Variants in ARID1B observed in about 807,000 individuals in gnomAD.
ARID1B encodes the protein AT-rich interactive domain-containing protein 1B.
In ARID1B, 30 loss-of-function variants were observed where a neutral mutation model predicts 212.3. The ratio of observed to expected loss-of-function variants is 0.14; its 90% CI spans 0.11 to 0.19. The LOEUF is 0.19. Ranked by LOEUF, ARID1B falls within the 10% of genes least tolerant of loss-of-function variation. The probability of loss-of-function intolerance (pLI) is 1.00; values close to 1 mark genes in which losing one functional copy is unlikely to be tolerated. For missense variants in ARID1B, 2,891 were observed against 3,204.0 expected (o/e 0.90, Z 2.36); for synonymous variants, 1,402 against 1,301.7 (o/e 1.08, Z -1.66).
rs1195428885 is a variant in ARID1B at position 157,206,424 on chromosome 6, C to G, written c.5652C>G (p.Ser1884Arg). Residue 1884 changes from serine to arginine, a missense_variant, in exon 20 of 20, where the codon AGC becomes AGG. Coordinates refer to ENST00000636930, the MANE Select transcript of ARID1B (RefSeq NM_001374828.1). The surrounding 1 kb of genome is among the most constrained non-coding windows in gnomAD (Gnocchi z 6.8). ...DSEKTESDEK[S>R]SIALTAPDAA... Reference sequence around the variant, plus strand: ...AGAAGACAGAAAGCGATGAAAAGAGCAGCATCGCTCTGACTGCCCCGGACG... The same window carrying G: ...AGAAGACAGAAAGCGATGAAAAGAGGAGCATCGCTCTGACTGCCCCGGACG... The G allele has an allele frequency of 1.2e-6, 2 of 1,614,168 alleles. No homozygotes were observed. The highest frequency in any genetic ancestry group is 8.5e-7 in the Non-Finnish European group (1 of 1,180,042).
intron 4 of ARID1B, among the ~76,000 whole-genome samples, chr6:157,083,425 G>A (rs1784756655): frequency 6.6e-6 from 1 of 152,212 alleles, no homozygotes; most frequent in African/African-American, 2.4e-5. Flanking sequence ...AGCACCTGCT[G>A]ATGGGGGCCT....
chr6:156,794,661 A>G (rs1256753479), intron 1 of ARID1B, among the ~76,000 whole-genome samples: 5 of 140,844 alleles, frequency 3.6e-5, no homozygotes, highest in African/African-American at 1.4e-4. Flanking sequence ...ACTGATGGCA[A>G]CCTCTCTCTC....
At chr6:156,831,652 TTTCTTAGC>T (rs1323288120) in intron 2 of ARID1B, among the ~76,000 whole-genome samples, 3 of 152,236 alleles carry the variant, frequency 2.0e-5, no homozygotes, top group African/African-American at 7.2e-5. Flanking sequence ...TAATCTCAAT[TTTCTTAGC>T]TTCTTCCATT....
chr6:156,871,672 C>T (rs1365669239), intron 2 of ARID1B: 1 of 1,609,508 alleles, frequency 6.2e-7, no homozygotes, highest in Non-Finnish European at 8.5e-7. Context: ...TTCTTACATG[C>T]TCTTACTTGC....
intron 4 of ARID1B, among the ~76,000 whole-genome samples, chr6:157,039,666 C>CT (rs1781627207): frequency 1.0e-4 from 5 of 49,384 alleles, no homozygotes; most frequent in African/African-American, 7.2e-4. Flanking sequence ...TCCTTCCTTC[C>CT]TTCCTTCCTT....
At chr6:157,132,951 C>G in intron 6 of ARID1B, 77 bp from the exon 7 acceptor site, 1 of 1,451,478 alleles carries the variant, frequency 6.9e-7, no homozygotes, top group Non-Finnish European at 9.3e-7. Context: ...CCTGCCACAT[C>G]AGTCCATGTC....
intron 2 of ARID1B, among the ~76,000 whole-genome samples, chr6:156,893,049 T>TC: frequency 3.6e-5 from 5 of 137,646 alleles, no homozygotes; most frequent in African/African-American, 1.4e-4. Flanking sequence ...TTCTTCCTTT[T>TC]TTTTTTTTTT....
At chr6:156,779,550 G>C in intron 1 of ARID1B, 79 bp downstream of exon 1, 1 of 1,178,420 alleles carries the variant, frequency 8.5e-7, no homozygotes, top group Non-Finnish European at 1.1e-6. Flanking sequence ...TCTTTGCCGC[G>C]TACTTTTCCC....
At chr6:156,945,099 A>AT (rs199862964) in intron 4 of ARID1B, among the ~76,000 whole-genome samples, 23,963 of 104,464 alleles carry the variant, frequency 0.23, 2,634 homozygotes, top group Non-Finnish European at 0.27. Flanking sequence ...ATTTTTTTGT[A>AT]TATTTTTTTT....
chr6:156,934,123 C>T (rs1791966059), intron 3 of ARID1B, among the ~76,000 whole-genome samples: 1 of 152,204 alleles, frequency 6.6e-6, no homozygotes, highest in East Asian at 1.9e-4. Flanking sequence ...CATATTTGAA[C>T]TGACAAGGGA....
At chr6:157,037,003 C>A (rs889263548) in intron 4 of ARID1B, 46 of 366,196 alleles carry the variant, frequency 1.3e-4, no homozygotes, top group Non-Finnish European at 2.1e-4. Flanking sequence ...TAAAAATCTT[C>A]ACAAGTTTAA....
chr6:157,097,159 G>T (rs931539521), intron 5 of ARID1B, among the ~76,000 whole-genome samples: 1 of 152,160 alleles, frequency 6.6e-6, no homozygotes, highest in Non-Finnish European at 1.5e-5. Flanking sequence ...TCATTAGTTA[G>T]TATAATCACA....
chr6:156,909,933 G>A (rs1789731202), intron 3 of ARID1B, among the ~76,000 whole-genome samples: 2 of 152,192 alleles, frequency 1.3e-5, no homozygotes. Flanking sequence ...AGGCTGAAGA[G>A]ACATTGTGAT....
At chr6:157,109,935 G>A (rs372330383) in intron 5 of ARID1B, among the ~76,000 whole-genome samples, 2 of 152,214 alleles carry the variant, frequency 1.3e-5, no homozygotes, top group African/African-American at 4.8e-5. Context: ...CCCTTCTTTA[G>A]TGATCATGTA....
intron 5 of ARID1B, among the ~76,000 whole-genome samples, chr6:157,106,512 GA>G (rs1786495271): frequency 6.6e-6 from 1 of 152,188 alleles, no homozygotes; most frequent in Non-Finnish European, 1.5e-5. Flanking sequence ...TCACATCAGA[GA>G]AGCCTATTTC....
chr6:156,855,008 A>T (rs1001549483), intron 2 of ARID1B, among the ~76,000 whole-genome samples: 1 of 152,178 alleles, frequency 6.6e-6, no homozygotes, highest in African/African-American at 2.4e-5. Context: ...GTGATAAACT[A>T]TGAGTTCGGG....
At chr6:156,880,599 C>T (rs146413208) in intron 2 of ARID1B, among the ~76,000 whole-genome samples, 319 of 151,920 alleles carry the variant, frequency 2.1e-3, no homozygotes, top group African/African-American at 7.4e-3. Context: ...ATTAGCTGGG[C>T]GTGGTGGCGC....
rs1381302129 is a variant in ARID1B, at chr6:157,148,866, G to T, written c.3004G>T (p.Gly1002Trp). The change falls in exon 8 of 20, where the codon GGG becomes TGG. Residue 1002 changes from glycine to tryptophan, a missense_variant. Around this residue, in one of 7 missense-constraint regions of ARID1B, gnomAD observed 1,643 missense variants for 1,544.0 expected, o/e 1.06. Transcript: ENST00000636930. The surrounding 1 kb of genome is among the most constrained non-coding windows in gnomAD (Gnocchi z 5.6). ...GMSQQGGPGMGPPMPTVNRKA... is the reference protein window; with the variant it reads ...GMSQQGGPGMWPPMPTVNRKA... ...GTCTCAGCAGGGAGGGCCAGGAATG[G>T]GGCCGCCAATGCCAACTGTGAACCG... The T allele has an allele frequency of 6.2e-7, 1 of 1,612,948 alleles. No individual in the cohort carries two copies. Among genetic ancestry groups the T allele is most frequent in the Non-Finnish European group, 8.5e-7 (1 of 1,180,004 alleles).
intron 4 of ARID1B, among the ~76,000 whole-genome samples, chr6:156,981,501 A>G (rs1304015754): frequency 1.3e-5 from 2 of 152,226 alleles, no homozygotes; most frequent in African/African-American, 4.8e-5. Flanking sequence ...TGTTACATGT[A>G]TATTTCTTTA....
Sources: allele counts gnomAD v4.1 joint callset (sites outside exome capture counted in the v4.1 genomes callset), GRCh38; gene constraint gnomAD v4.1.1; regional missense constraint gnomAD v4.1.1; non-coding constraint Gnocchi (gnomAD v3.1); transcripts MANE v1.5; gene names NCBI Gene and HGNC (gene_info 2026-07-23, HGNC 2026-07-21).